The following TBC1D5 variants were observed in gnomAD, a reference collection of about 807,000 sequenced individuals.
TBC1D5 encodes TBC1 domain family, member 5.
A neutral mutation model predicts 100.3 loss-of-function variants in TBC1D5; 75 were observed. The observed-to-expected ratio is 0.75, with a 90% CI of 0.62 to 0.91. TBC1D5 has a LOEUF of 0.91. Among genes scored for constraint, TBC1D5 ranks in the 40% least tolerant of loss-of-function variants. The pLI is 0.00. For synonymous variants in TBC1D5, 323 were observed against 325.6 expected (o/e 0.99, Z 0.09); for missense variants, 910 against 942.4 (o/e 0.97, Z 0.45).
chr3:17,501,000 T>G (rs2095781661), intron 3 of TBC1D5, among the ~76,000 whole-genome samples: 2 of 149,632 alleles, frequency 1.3e-5, no homozygotes, highest in African/African-American at 5.1e-5. Context: ...GTCATACCAG[T>G]TGAAAAATCT....
At chr3:17,325,466 G>A (rs1358225147) in intron 13 of TBC1D5, among the ~76,000 whole-genome samples, 1 of 152,114 alleles carries the variant, frequency 6.6e-6, no homozygotes, top group East Asian at 1.9e-4. Flanking sequence ...GGGATTTACA[G>A]GCATGCGCCT....
chr3:17,259,794 T>C (rs1330810317), intron 15 of TBC1D5, among the ~76,000 whole-genome samples: 1 of 152,090 alleles, frequency 6.6e-6, no homozygotes, highest in African/African-American at 2.4e-5. Context: ...TTAATGGCCA[T>C]GATGGACCTT....
intron 2 of TBC1D5, among the ~76,000 whole-genome samples, chr3:17,529,728 C>A (rs2096192962): frequency 6.6e-6 from 1 of 151,676 alleles, no homozygotes; most frequent in African/African-American, 2.4e-5. Context: ...CTCACTGCAA[C>A]CTCTGTCTGC....
chr3:17,175,516 T>C (rs1233082812), intron 19 of TBC1D5, among the ~76,000 whole-genome samples: 1 of 152,216 alleles, frequency 6.6e-6, no homozygotes, highest in Non-Finnish European at 1.5e-5. Context: ...TTTACACATA[T>C]TTTTAAACTT....
intron 2 of TBC1D5, among the ~76,000 whole-genome samples, chr3:17,534,943 A>G (rs770459042): frequency 7.9e-5 from 12 of 152,180 alleles, no homozygotes; most frequent in Non-Finnish European, 1.3e-4. Flanking sequence ...TGAGTAATCA[A>G]ATGTGTTTTT....
intron 18 of TBC1D5, among the ~76,000 whole-genome samples, chr3:17,202,711 G>C (rs2071618042): frequency 6.6e-6 from 1 of 152,248 alleles, no homozygotes; most frequent in Non-Finnish European, 1.5e-5. Flanking sequence ...AAGGGCCTAA[G>C]ATATCGCAGG....
chr3:17,271,873 G>GT (rs1230941522), intron 15 of TBC1D5, among the ~76,000 whole-genome samples: 3 of 152,008 alleles, frequency 2.0e-5, no homozygotes, highest in Non-Finnish European at 4.4e-5. Context: ...ATATGGTTTT[G>GT]TTTTTAATTC....
chr3:17,648,228 G>T lies in TBC1D5; in HGVS notation c.-100-24315C>A, dbSNP rs779461952. Among the ~76,000 whole-genome samples the T allele has an allele frequency of 7.7e-3, 1,174 of 152,218 alleles. 8 individuals are homozygous for T. The highest frequency in any genetic ancestry group is 0.015 in the Admixed American group (231 of 15,276). On this transcript the variant is annotated intron_variant, in intron 1 of 21. Coordinates refer to ENST00000253692, the Ensembl canonical transcript of TBC1D5. ...AACAGCAGATAAAAACAAGCAATGG[G>T]TAAAAGACTCTCTATTCAATAAATG...
intron 2 of TBC1D5, among the ~76,000 whole-genome samples, chr3:17,554,044 T>C (rs559249109): frequency 6.6e-6 from 1 of 152,324 alleles, no homozygotes; most frequent in Admixed American, 6.5e-5. Flanking sequence ...GCACGTACTA[T>C]TTTTAGTCAA....
chr3:17,662,293 T>C (rs1039311401), intron 1 of TBC1D5, among the ~76,000 whole-genome samples: 1 of 152,240 alleles, frequency 6.6e-6, no homozygotes, highest in African/African-American at 2.4e-5. Context: ...TTATTTCTCA[T>C]TAAATCAGGA....
At chr3:17,357,214 G>A (rs1444084392) in intron 13 of TBC1D5, among the ~76,000 whole-genome samples, 1 of 152,188 alleles carries the variant, frequency 6.6e-6, no homozygotes, top group African/African-American at 2.4e-5. Context: ...AGACTGCACA[G>A]GCAGAAAGCC....
chr3:17,561,430 TAAG>T (rs2096558346), intron 2 of TBC1D5, among the ~76,000 whole-genome samples: 2 of 152,224 alleles, frequency 1.3e-5, no homozygotes, highest in South Asian at 2.1e-4. Context: ...GCACTTATCT[TAAG>T]AAGATTATAA....
intron 2 of TBC1D5, among the ~76,000 whole-genome samples, chr3:17,531,739 A>T (rs2096228894): frequency 6.6e-6 from 1 of 152,216 alleles, no homozygotes; most frequent in African/African-American, 2.4e-5. Flanking sequence ...TGGGGAAAGG[A>T]TTCCCTATTT....
intron 14 of TBC1D5, among the ~76,000 whole-genome samples, chr3:17,295,074 A>C (rs2082116778): frequency 6.6e-6 from 1 of 152,234 alleles, no homozygotes; most frequent in Non-Finnish European, 1.5e-5. Flanking sequence ...AAGAAAAATT[A>C]TTGAGTTTTG....
intron 3 of TBC1D5, among the ~76,000 whole-genome samples, chr3:17,435,790 G>C (rs1279792085): frequency 6.6e-6 from 1 of 152,224 alleles, no homozygotes; most frequent in Non-Finnish European, 1.5e-5. Context: ...TGGGAAATTA[G>C]GACATTCAAA....
chr3:17,225,920 T>A (rs1428086259), intron 17 of TBC1D5, among the ~76,000 whole-genome samples: 1 of 151,996 alleles, frequency 6.6e-6, no homozygotes, highest in Admixed American at 6.6e-5. Flanking sequence ...AGAGATGAAG[T>A]ATAGAGGAAA....
chr3:17,711,986 GAAC>G (rs1394267834), intron 1 of TBC1D5, among the ~76,000 whole-genome samples: 2 of 152,160 alleles, frequency 1.3e-5, no homozygotes, highest in Non-Finnish European at 2.9e-5. Flanking sequence ...CAGTACCAAA[GAAC>G]AACAATGTAA....
intron 18 of TBC1D5, among the ~76,000 whole-genome samples, chr3:17,200,533 T>C (rs2071337702): frequency 6.6e-6 from 1 of 152,234 alleles, no homozygotes; most frequent in Non-Finnish European, 1.5e-5. Flanking sequence ...AGGGAACCTG[T>C]TTGATCCTGA....
At chr3:17,257,992 T>C (rs2077881725) in intron 16 of TBC1D5, among the ~76,000 whole-genome samples, 2 of 152,166 alleles carry the variant, frequency 1.3e-5, no homozygotes, top group South Asian at 2.1e-4. Flanking sequence ...TTTCTGCCAA[T>C]GTTAACTTCT....
Sources: gnomAD v4.1 joint callset for allele counts (sites outside exome capture counted in the v4.1 genomes callset) on GRCh38, gnomAD v4.1.1 for gene constraint, MANE v1.5 for transcripts, NCBI Gene and HGNC (gene_info 2026-07-23, HGNC 2026-07-21) for gene names.